Variants in ZNF569 observed in about 807,000 individuals in gnomAD.
The protein encoded by ZNF569 is DNA-binding protein.
In ZNF569, 38 loss-of-function variants were observed where a neutral mutation model predicts 56.3. The observed-to-expected ratio is 0.68, with a 90% CI of 0.52 to 0.88. ZNF569 has a LOEUF of 0.88. Ranked by LOEUF, ZNF569 falls within the 40% of genes least tolerant of loss-of-function variation. The pLI, the probability that ZNF569 is intolerant of heterozygous loss-of-function variation, is 0.00. For missense variants in ZNF569, 666 were observed against 809.2 expected, an observed-to-expected ratio of 0.82 and a Z score of 2.15; for synonymous variants, 241 against 262.9, an observed-to-expected ratio of 0.92 and a Z score of 0.81.
intron 3 of ZNF569, among the ~76,000 whole-genome samples, chr19:37,429,662 C>T (rs2041193802): frequency 6.6e-6 from 1 of 152,164 alleles, no homozygotes; most frequent in African/African-American, 2.4e-5. Context: ...CATGACACCC[C>T]AACACTGCTT....
rs537239635 is a variant in ZNF569, at chr19:37,419,754, T to C, written c.239-5335A>G. ...AAAAAATTTAATACTATATACTTAG[T>C]CTATTACGTATATAACAGCATCATG... On this transcript the variant is annotated intron_variant, in intron 5 of 5. Transcript: ENST00000316950. Among the ~76,000 whole-genome samples, 160 of 152,126 alleles carry C rather than the reference T, an allele frequency of 1.1e-3. 1 individual carries two copies. In the South Asian group the frequency reaches 0.014, roughly 13 times the overall value.
Position 37,412,505 on chromosome 19 carries a change from T to C in ZNF569, c.*92A>G, listed in dbSNP as rs543923300. On this transcript the variant is annotated 3_prime_UTR_variant, in exon 6 of 6. Transcript: ENST00000316950. The stretch of plus-strand genomic sequence containing the variant: ...TTTTCAGAAGGCTATCCCACATTCA[T>C]AGTTTTCTACTCTGGAAGTGATCAT... The C allele has an allele frequency of 1.6e-5, 23 of 1,420,616 alleles. No homozygotes were observed. The African/African-American group carries it at 2.0e-4, about 12-fold the overall frequency. The allele number at this position is 1,420,616 out of a possible 1,614,324, so 88.0% of individuals were successfully genotyped here.
rs147430225 is a variant in ZNF569, at chr19:37,428,030, A to G, written c.16-1652T>C. On this transcript the variant is annotated intron_variant, in intron 3 of 5. Coordinates refer to ENST00000316950, the MANE Select transcript of ZNF569 (RefSeq NM_152484.3). ...ATTAAACTAGTAAATAAATTTTAAA[A>G]ATCAGCACCAAAGATTTTACAAGAA... Among the ~76,000 whole-genome samples the G allele has an allele frequency of 3.9e-5, 6 of 152,330 alleles. No homozygotes were observed. The East Asian group carries it at 1.2e-3, about 29-fold the overall frequency.
intron 5 of ZNF569, among the ~76,000 whole-genome samples, chr19:37,422,204 CT>C (rs1364613152): frequency 2.0e-5 from 3 of 152,304 alleles, no homozygotes; most frequent in African/African-American, 7.2e-5. Flanking sequence ...ATGTGCGACT[CT>C]TCCTTTCACT....
chr19:37,426,139 C>G lies in ZNF569; in HGVS notation c.142+113G>C, dbSNP rs1259606730. Reference sequence around the variant, plus strand: ...GGACATTCACATGAGCAAAAGCATCCCAAGGCCAAGCTCACTCTAATATTT... The same window carrying G: ...GGACATTCACATGAGCAAAAGCATCGCAAGGCCAAGCTCACTCTAATATTT... On this transcript the variant is annotated intron_variant, in intron 4 of 5. Coordinates refer to ENST00000316950, the MANE Select transcript of ZNF569 (RefSeq NM_152484.3). The G allele has an allele frequency of 2.2e-6, 3 of 1,389,080 alleles. No homozygotes were observed. The African/African-American group carries it at 4.3e-5, about 20-fold the overall frequency. The allele number at this position is 1,389,080 out of a possible 1,614,324, so 86.0% of individuals were successfully genotyped here.
intron 2 of ZNF569, among the ~76,000 whole-genome samples, chr19:37,459,519 A>G (rs2146972313): frequency 6.6e-6 from 1 of 152,294 alleles, no homozygotes; most frequent in East Asian, 1.9e-4. Context: ...CATTTCTAAC[A>G]AAAACTAAGG....
chr19:37,460,481 CA>C (rs2041739840), intron 2 of ZNF569, among the ~76,000 whole-genome samples: 1 of 151,450 alleles, frequency 6.6e-6, no homozygotes, highest in Non-Finnish European at 1.5e-5. Context: ...ATAATCACAC[CA>C]AGTGTAAATG....
intron 5 of ZNF569, among the ~76,000 whole-genome samples, chr19:37,424,842 C>T (rs1447478303): frequency 3.9e-5 from 5 of 129,520 alleles, no homozygotes; most frequent in Non-Finnish European, 8.0e-5. Flanking sequence ...AAAAAAAAGC[C>T]GGGCATGGTG....
intron 5 of ZNF569, among the ~76,000 whole-genome samples, chr19:37,418,569 G>A (rs986248378): frequency 2.0e-5 from 3 of 152,080 alleles, no homozygotes; most frequent in East Asian, 1.9e-4. Flanking sequence ...GCCTGCAGAC[G>A]AAGATGTCAA....
chr19:37,445,704 CA>C (rs530883285), intron 2 of ZNF569, among the ~76,000 whole-genome samples: 1 of 151,256 alleles, frequency 6.6e-6, no homozygotes, highest in Non-Finnish European at 1.5e-5. Context: ...CAATAGCTGC[CA>C]AAAAAAATAA....
chr19:37,437,628 A>G (rs577565273), intron 3 of ZNF569, among the ~76,000 whole-genome samples: 2 of 152,364 alleles, frequency 1.3e-5, no homozygotes, highest in African/African-American at 4.8e-5. Flanking sequence ...CAAATTCAGT[A>G]AAGTTGCAGG....
chr19:37,452,984 C>T (rs191361988), intron 2 of ZNF569, among the ~76,000 whole-genome samples: 386 of 152,204 alleles, frequency 2.5e-3, no homozygotes, highest in African/African-American at 9.0e-3. Context: ...CTTAAGCCTT[C>T]TTCACTCTTT....
At chr19:37,445,099 C>T in intron 2 of ZNF569, 135 bp from the exon 3 acceptor site, 1 of 665,310 alleles carries the variant, frequency 1.5e-6, no homozygotes, top group East Asian at 2.9e-5. Context: ...ATATTCATAC[C>T]ACAAAGGTTC....
intron 5 of ZNF569, chr19:37,425,631 TTTCTC>T: frequency 3.3e-6 from 1 of 302,580 alleles, no homozygotes; most frequent in Non-Finnish European, 6.2e-6. Context: ...CAATTTTTCT[TTTCTC>T]TTTTTTTTTT....
chr19:37,423,880 G>A (rs1246619065), intron 5 of ZNF569, among the ~76,000 whole-genome samples: 1 of 152,076 alleles, frequency 6.6e-6, no homozygotes, highest in East Asian at 1.9e-4. Context: ...AATGCTAACA[G>A]ACTACACTGG....
intron 5 of ZNF569, among the ~76,000 whole-genome samples, chr19:37,424,840 G>A (rs1288960184): frequency 5.5e-4 from 56 of 102,408 alleles, no homozygotes; most frequent in South Asian, 1.9e-3. Flanking sequence ...AAAAAAAAAA[G>A]CCGGGCATGG....
chr19:37,430,265 TTAAGTA>T (rs1188643943), intron 3 of ZNF569, among the ~76,000 whole-genome samples: 5 of 150,776 alleles, frequency 3.3e-5, no homozygotes, highest in African/African-American at 1.2e-4. Flanking sequence ...TATGCATAAT[TTAAGTA>T]TAAGTTAGAG....
chr19:37,451,671 A>G (rs954542694), intron 2 of ZNF569, among the ~76,000 whole-genome samples: 4 of 152,150 alleles, frequency 2.6e-5, no homozygotes, highest in African/African-American at 4.8e-5. Context: ...TTGACCTATT[A>G]TCATTATAAA....
chr19:37,433,410 G>A lies in ZNF569; in HGVS notation c.16-7032C>T, dbSNP rs796698673. On this transcript the variant is annotated intron_variant, in intron 3 of 5. Transcript: ENST00000316950. ...ACTTATTGGCCTTAAAGAGGAGGTA[G>A]AGAGACAGGGGTAGAAAGTTTATTC... Among the ~76,000 whole-genome samples, 5 of 152,184 alleles carry A rather than the reference G, an allele frequency of 3.3e-5. No homozygotes were observed. In the South Asian group the frequency reaches 1.0e-3, roughly 31 times the overall value.
Sources: allele counts gnomAD v4.1 joint callset (sites outside exome capture counted in the v4.1 genomes callset), GRCh38; gene constraint gnomAD v4.1.1; transcripts MANE v1.5; gene names NCBI Gene and HGNC (gene_info 2026-07-23, HGNC 2026-07-21).